ABCA4: variants seen among roughly 807,000 people sequenced by gnomAD.
ABCA4 encodes ATP binding cassette subfamily A member 4.
ABCA4 carries 196 observed loss-of-function variants against 263.7 expected under a neutral mutation model. The ratio of observed to expected loss-of-function variants is 0.74; its 90% CI spans 0.66 to 0.84. The LOEUF is 0.84. Among genes scored for constraint, ABCA4 ranks in the 40% least tolerant of loss-of-function variants. ABCA4 has a pLI of 0.00. For synonymous variants in ABCA4, 1,133 were observed against 1,094.2 expected, an observed-to-expected ratio of 1.04 and a Z score of -0.70; for missense variants, 2,792 against 2,855.1, an observed-to-expected ratio of 0.98 and a Z score of 0.50.
chr1:93,993,606 A>G (rs1205105765), intron 49 of ABCA4, among the ~76,000 whole-genome samples: 2 of 152,134 alleles, frequency 1.3e-5, no homozygotes, highest in Non-Finnish European at 2.9e-5. Flanking sequence ...TTAAAAGCCA[A>G]GAAATCCTAA....
At chr1:94,120,645 G>A (rs1662920853) in intron 1 of ABCA4, among the ~76,000 whole-genome samples, 1 of 150,112 alleles carries the variant, frequency 6.7e-6, no homozygotes, top group Admixed American at 6.7e-5. Flanking sequence ...ACTGCTCAGC[G>A]TGGATGCCCT....
intron 43 of ABCA4, among the ~76,000 whole-genome samples, chr1:94,006,221 T>A (rs1361951104): frequency 2.6e-5 from 4 of 152,146 alleles, no homozygotes; most frequent in Non-Finnish European, 2.9e-5. Flanking sequence ...AAAGGATGGA[T>A]GATATAGGAT....
chr1:94,053,767 G>C (rs1660900967), intron 16 of ABCA4, among the ~76,000 whole-genome samples: 1 of 152,246 alleles, frequency 6.6e-6, no homozygotes. Context: ...TGTCTAAGCT[G>C]CCCAGTTAGT....
At position 94,007,741 on chromosome 1, in the gene ABCA4, CT is replaced by C. The variant is rs1553187162; in HGVS notation, c.5899-2del. On this transcript the variant is annotated splice_acceptor_variant, in intron 42 of 49. Transcript: ENST00000370225. LOFTEE classifies it high-confidence loss of function. ...CATTCACTCCCAGGAGGCCAAAGCA[CT>C]AGGAGAAAACACAGAGCTAGCCTGG... 6 of 1,613,546 alleles carry C rather than the reference CT, an allele frequency of 3.7e-6. No homozygotes were observed. Among genetic ancestry groups the C allele is most frequent in the Non-Finnish European group, 5.1e-6 (6 of 1,179,604 alleles).
intron 7 of ABCA4, among the ~76,000 whole-genome samples, chr1:94,081,057 T>C (rs1239158097): frequency 6.6e-6 from 1 of 152,090 alleles, no homozygotes; most frequent in Non-Finnish European, 1.5e-5. Context: ...ACCCCGTCTC[T>C]ATTAAAAATA....
chr1:94,106,836 C>T (rs1312824353), intron 4 of ABCA4, among the ~76,000 whole-genome samples: 1 of 152,152 alleles, frequency 6.6e-6, no homozygotes, highest in Non-Finnish European at 1.5e-5. Flanking sequence ...GTTGACTCTC[C>T]TGTGCTCCTG....
chr1:94,111,595 T>C lies in ABCA4; in HGVS notation c.161-16A>G, dbSNP rs1375225963. On this transcript the variant is annotated splice_polypyrimidine_tract_variant and intron_variant, in intron 2 of 49. Coordinates refer to ENST00000370225, the MANE Select transcript of ABCA4 (RefSeq NM_000350.3). The stretch of plus-strand genomic sequence containing the variant: ...GGGAAATGGCCTTTAAAACAGAAAA[T>C]GAGGACAAGACGGGATTAGTCATGG... The C allele has an allele frequency of 1.9e-6, 3 of 1,613,686 alleles. No individual in the cohort carries two copies. The highest frequency in any genetic ancestry group is 1.3e-5 in the African/African-American group (1 of 74,822).
chr1:94,011,150 A>G (rs530350602), intron 39 of ABCA4, 112 bp downstream of exon 39: 1 of 1,588,346 alleles, frequency 6.3e-7, no homozygotes, highest in East Asian at 2.2e-5. Flanking sequence ...CAGCCCAACA[A>G]GGTCCCCTCC....
At chr1:94,018,437 T>C (rs1448046879) in intron 36 of ABCA4, 1 of 391,408 alleles carries the variant, frequency 2.6e-6, no homozygotes, top group Non-Finnish European at 5.1e-6. Context: ...CATTTATGAG[T>C]GTTTCCTCGT....
chr1:94,037,083 A>G (rs755478613), intron 25 of ABCA4, 62 bp downstream of exon 25: 1 of 1,555,220 alleles, frequency 6.4e-7, no homozygotes, highest in Non-Finnish European at 8.9e-7. Flanking sequence ...CTAATGTTAG[A>G]CTTTTTCAAA....
At chr1:94,108,755 T>TA (rs1662510725) in intron 3 of ABCA4, 39 bp from the exon 4 acceptor site, 1 of 1,610,822 alleles carries the variant, frequency 6.2e-7, no homozygotes, top group Non-Finnish European at 8.5e-7. Context: ...AAATAGCTGT[T>TA]ATTTTTATAA....
At chr1:94,017,149 A>C (rs1190474659) in intron 36 of ABCA4, among the ~76,000 whole-genome samples, 1 of 152,232 alleles carries the variant, frequency 6.6e-6, no homozygotes, top group East Asian at 1.9e-4. Context: ...TGTATAATGA[A>C]TAGGATATTT....
At chr1:94,044,891 C>T in intron 19 of ABCA4, 147 bp from the exon 20 acceptor site, 9 of 1,151,122 alleles carry the variant, frequency 7.8e-6, no homozygotes, top group East Asian at 2.4e-5. Context: ...AGCTGTGGGG[C>T]CCCCTTAGCA....
At position 94,055,284 on chromosome 1, in the gene ABCA4, C is replaced by T. The variant is rs1660944703; in HGVS notation, c.2414G>A (p.Gly805Asp). 6.2e-7 allele frequency: 1 copy of T among 1,614,082 alleles called. No homozygotes were observed. The highest frequency in any genetic ancestry group is 8.5e-7 in the Non-Finnish European group (1 of 1,180,018). ...SLLSPVAFGF[G>D]TEYLVRFEEQ... ...TTCAAAGCGAACCAGGTACTCAGTG[C>T]CAAATCCAAATGCCACCGGAGACAG... The change falls in exon 16 of 50, where the codon GGC (glycine) becomes GAC (aspartate). Residue 805 changes from glycine (G) to aspartate (D), a missense_variant. Gly to Asp is a moderately conservative substitution (Grantham distance 94). Coordinates refer to ENST00000370225, the MANE Select transcript of ABCA4 (RefSeq NM_000350.3).
intron 1 of ABCA4, among the ~76,000 whole-genome samples, chr1:94,114,190 A>G (rs1439504091): frequency 6.6e-6 from 1 of 152,236 alleles, no homozygotes; most frequent in East Asian, 1.9e-4. Flanking sequence ...AAAAGACACC[A>G]TAGCAGAGGC....
chr1:94,051,649 A>G lies in ABCA4; in HGVS notation c.2637T>C (p.Tyr879=), dbSNP rs1018682656. 5.0e-6 allele frequency: 8 copies of G among 1,613,936 alleles called. No individual in the cohort carries two copies. Among genetic ancestry groups the G allele is most frequent in the Non-Finnish European group, 6.8e-6 (8 of 1,179,860 alleles). The part of the protein sequence containing the change: ...LPWYFLLQES[Y]WLGGEGCSTR... ...AGGACTCACCTTCACCGCCAAGCCA[A>G]TACGACTCTTGTAGAAGAAAGTACC... Residue 879 remains tyrosine, a synonymous_variant, in exon 17 of 50, where the codon TAT becomes TAC. Transcript: ENST00000370225.
Position 94,063,105 on chromosome 1 carries a change from A to T in ABCA4, c.1760+7T>A. ...AGAAATGCAGCGAGCCCTTCCTGAA[A>T]CATCACCTGTCTTTAATCTTATTGG... On this transcript the variant is annotated splice_region_variant and intron_variant, in intron 12 of 49. Coordinates refer to ENST00000370225, the MANE Select transcript of ABCA4 (RefSeq NM_000350.3). The T allele has an allele frequency of 1.9e-6, 3 of 1,611,742 alleles. No homozygotes were observed. Among genetic ancestry groups the T allele is most frequent in the Non-Finnish European group, 2.5e-6 (3 of 1,178,416 alleles).
chr1:94,047,752 A>C (rs1225618650), intron 18 of ABCA4, among the ~76,000 whole-genome samples: 4 of 152,140 alleles, frequency 2.6e-5, no homozygotes, highest in African/African-American at 9.7e-5. Flanking sequence ...TGGGTAGGGC[A>C]GTCCACGCTT....
chr1:94,025,097 ATAAG>A, intron 30 of ABCA4, 49 bp from the exon 31 acceptor site: 1 of 1,512,380 alleles, frequency 6.6e-7, no homozygotes, highest in Non-Finnish European at 9.2e-7. Context: ...TTGAGGACTT[ATAAG>A]TAGTTTGTGA....
Sources: allele counts gnomAD v4.1 joint callset (sites outside exome capture counted in the v4.1 genomes callset), GRCh38; gene constraint gnomAD v4.1.1; transcripts MANE v1.5; gene names NCBI Gene and HGNC (gene_info 2026-07-23, HGNC 2026-07-21).